The following PDE1A variants were observed in gnomAD, a reference collection of about 807,000 sequenced individuals.
The protein encoded by PDE1A is dual specificity calcium/calmodulin-dependent 3',5'-cyclic nucleotide phosphodiesterase 1A.
PDE1A carries 35 observed loss-of-function variants against 61.7 expected under a neutral mutation model. That is an observed-to-expected ratio of 0.57 (90% CI 0.43 to 0.75). PDE1A has a LOEUF of 0.75. Ranked by LOEUF, PDE1A falls within the 30% of genes least tolerant of loss-of-function variation. The pLI is 0.00. For missense variants in PDE1A, 597 were observed against 630.6 expected (o/e 0.95, Z 0.57); for synonymous variants, 232 against 213.2 (o/e 1.09, Z -0.77).
At chr2:182,608,907 G>C in the PDE1A span, among the ~76,000 whole-genome samples, 1 of 152,326 alleles carries the variant, frequency 6.6e-6, no homozygotes, top group Admixed American at 6.5e-5. Flanking sequence ...CTAAGGGATT[G>C]TAAATACCCC....
intron 1 of PDE1A, among the ~76,000 whole-genome samples, chr2:182,347,405 G>A (rs1396806797): frequency 6.6e-6 from 1 of 152,066 alleles, no homozygotes; most frequent in Non-Finnish European, 1.5e-5. Context: ...TAGCTCATTT[G>A]TGCTATGTTT....
intron 10 of PDE1A, 110 bp from the exon 11 acceptor site, chr2:182,189,170 A>G: frequency 1.6e-6 from 1 of 610,840 alleles, no homozygotes. Context: ...CTTAATTAGC[A>G]ATACTTTTTT....
the PDE1A span, among the ~76,000 whole-genome samples, chr2:182,692,003 T>C: frequency 6.6e-6 from 1 of 152,056 alleles, no homozygotes; most frequent in East Asian, 1.9e-4. Context: ...AGAATGGCGA[T>C]CATTAAAAAG....
intron 10 of PDE1A, among the ~76,000 whole-genome samples, chr2:182,198,397 T>G (rs1265509215): frequency 1.3e-5 from 2 of 151,862 alleles, no homozygotes; most frequent in Admixed American, 1.3e-4. Flanking sequence ...TCAAATGCAA[T>G]GTTGAATAGA....
intron 1 of PDE1A, among the ~76,000 whole-genome samples, chr2:182,390,855 C>G (rs1286322384): frequency 6.6e-6 from 1 of 152,222 alleles, no homozygotes; most frequent in Non-Finnish European, 1.5e-5. Context: ...TCAGCCTTCT[C>G]ACCTTTCTCT....
chr2:182,625,393 A>C, the PDE1A span, among the ~76,000 whole-genome samples: 2 of 152,188 alleles, frequency 1.3e-5, no homozygotes, highest in Admixed American at 6.5e-5. Flanking sequence ...AGATTGGAGA[A>C]ATAGGTAGTT....
chr2:182,316,306 A>G (rs1696338947), intron 1 of PDE1A, among the ~76,000 whole-genome samples: 1 of 152,176 alleles, frequency 6.6e-6, no homozygotes, highest in Non-Finnish European at 1.5e-5. Flanking sequence ...ATTAAATTAT[A>G]CGTTTAAACT....
intron 1 of PDE1A, among the ~76,000 whole-genome samples, chr2:182,290,941 C>T (rs974710043): frequency 9.2e-5 from 14 of 152,040 alleles, no homozygotes; most frequent in African/African-American, 2.4e-4. Context: ...CACCAACATT[C>T]GCCCAGTCCT....
At chr2:182,577,994 G>GGAAGGA in the PDE1A span, among the ~76,000 whole-genome samples, 305 of 116,882 alleles carry the variant, frequency 2.6e-3, 5 homozygotes, top group African/African-American at 0.011. Flanking sequence ...GGAAGGAAGG[G>GGAAGGA]ACGGAGGGAG....
intron 1 of PDE1A, among the ~76,000 whole-genome samples, chr2:182,380,736 A>G (rs757065834): frequency 1.8e-4 from 28 of 152,196 alleles, no homozygotes; most frequent in Non-Finnish European, 3.5e-4. Flanking sequence ...TAATTAGATA[A>G]TTATAAGGAT....
At chr2:182,675,975 T>C in the PDE1A span, among the ~76,000 whole-genome samples, 1 of 152,196 alleles carries the variant, frequency 6.6e-6, no homozygotes, top group East Asian at 1.9e-4. Flanking sequence ...CATTTGTCAA[T>C]TTTTGCTTTT....
intron 1 of PDE1A, among the ~76,000 whole-genome samples, chr2:182,294,811 G>A (rs1011813889): frequency 6.6e-6 from 1 of 152,056 alleles, no homozygotes; most frequent in Non-Finnish European, 1.5e-5. Context: ...AGGTAAAGAC[G>A]AAAGGGTGTT....
At chr2:182,449,047 C>T (rs1335864127) in intron 2 of PDE1A, among the ~76,000 whole-genome samples, 2 of 120,620 alleles carry the variant, frequency 1.7e-5, no homozygotes, top group African/African-American at 3.2e-5. Context: ...ACATCATACA[C>T]ATACACACAC....
At chr2:182,469,001 T>C (rs535282165) in intron 2 of PDE1A, among the ~76,000 whole-genome samples, 3 of 151,982 alleles carry the variant, frequency 2.0e-5, no homozygotes, top group Admixed American at 6.6e-5. Flanking sequence ...TCCAGCTTCA[T>C]TGTTGCATTT....
the PDE1A span, among the ~76,000 whole-genome samples, chr2:182,565,849 C>T: frequency 1.3e-5 from 2 of 152,090 alleles, no homozygotes; most frequent in African/African-American, 4.8e-5. Flanking sequence ...CCAGGTTAAA[C>T]AACTCAGCTC....
At chr2:182,557,580 C>T in the PDE1A span, among the ~76,000 whole-genome samples, 1 of 152,012 alleles carries the variant, frequency 6.6e-6, no homozygotes, top group South Asian at 2.1e-4. Flanking sequence ...GGTATGGTGT[C>T]ATGCACTGGT....
At chr2:182,578,547 T>G in the PDE1A span, among the ~76,000 whole-genome samples, 12 of 152,194 alleles carry the variant, frequency 7.9e-5, no homozygotes, top group Middle Eastern at 3.2e-3. Flanking sequence ...CATTTTTTCA[T>G]AAGCTTATCA....
exon 1 of PDE1A, chr2:182,426,858 C>G: frequency 7.5e-7 from 1 of 1,333,686 alleles, no homozygotes; most frequent in Non-Finnish European, 9.6e-7. Flanking sequence ...CCCCACAGAG[C>G]AGGGTGTGCA....
the PDE1A span, among the ~76,000 whole-genome samples, chr2:182,709,819 G>A: frequency 6.6e-6 from 1 of 152,196 alleles, no homozygotes; most frequent in East Asian, 1.9e-4. Flanking sequence ...AAGTAGAGAT[G>A]TGTCTTCAAA....
Sources: allele counts gnomAD v4.1 joint callset (sites outside exome capture counted in the v4.1 genomes callset), GRCh38; gene constraint gnomAD v4.1.1; transcripts MANE v1.5; gene names NCBI Gene and HGNC (gene_info 2026-07-23, HGNC 2026-07-21).